The following FANCC variants were observed in gnomAD, a reference collection of about 807,000 sequenced individuals.
The protein encoded by FANCC is FA complementation group C.
FANCC carries 55 observed loss-of-function variants against 71.3 expected under a neutral mutation model. The observed-to-expected ratio is 0.77, with a 90% CI of 0.62 to 0.97. FANCC has a LOEUF of 0.97. Among genes scored for constraint, FANCC ranks in the 50% least tolerant of loss-of-function variants. FANCC has a pLI of 0.00. For missense variants in FANCC, 678 were observed against 670.9 expected (o/e 1.01, Z -0.12); for synonymous variants, 275 against 244.9 (o/e 1.12, Z -1.15).
chr9:95,123,293 G>C (rs982136403), intron 10 of FANCC: 1 of 294,206 alleles, frequency 3.4e-6, no homozygotes, highest in Non-Finnish European at 6.6e-6. Context: ...GGCAGAGTAA[G>C]AGCCTGTCTC....
chr9:95,160,385 A>G (rs1161070239), intron 6 of FANCC, among the ~76,000 whole-genome samples: 1 of 152,030 alleles, frequency 6.6e-6, no homozygotes, highest in Non-Finnish European at 1.5e-5. Flanking sequence ...CCATTGGTCT[A>G]TATCTCTGTT....
At chr9:95,229,274 A>G (rs1829831013) in intron 4 of FANCC, among the ~76,000 whole-genome samples, 1 of 144,834 alleles carries the variant, frequency 6.9e-6, no homozygotes, top group Admixed American at 7.2e-5. Flanking sequence ...CTTCAGCCTG[A>G]GCGACAGGGT....
intron 10 of FANCC, among the ~76,000 whole-genome samples, chr9:95,119,360 CTTTTCT>C (rs1443991029): frequency 5.0e-5 from 5 of 100,564 alleles, no homozygotes; most frequent in East Asian, 6.6e-4. Context: ...TTCTTTCTTC[CTTTTCT>C]TTTTTTTTTT....
At chr9:95,264,886 G>A (rs1832294638) in intron 1 of FANCC, among the ~76,000 whole-genome samples, 1 of 152,022 alleles carries the variant, frequency 6.6e-6, no homozygotes, top group Non-Finnish European at 1.5e-5. Flanking sequence ...CTTCCTTGAT[G>A]AAAGCCTGAT....
At chr9:95,136,062 A>G (rs924037873) in intron 7 of FANCC, among the ~76,000 whole-genome samples, 2 of 152,168 alleles carry the variant, frequency 1.3e-5, no homozygotes, top group Non-Finnish European at 2.9e-5. Flanking sequence ...CCAATAACTA[A>G]TTATAATCGG....
intron 4 of FANCC, 41 bp from the exon 5 acceptor site, chr9:95,172,188 A>C (rs773074619): frequency 7.6e-7 from 1 of 1,310,920 alleles, no homozygotes; most frequent in Non-Finnish European, 1.1e-6. Flanking sequence ...CTTTAAAAGT[A>C]AATGCAAGTG....
intron 4 of FANCC, among the ~76,000 whole-genome samples, chr9:95,206,011 T>C (rs1828100747): frequency 6.6e-6 from 1 of 152,214 alleles, no homozygotes; most frequent in Admixed American, 6.5e-5. Flanking sequence ...CTACCGGTCA[T>C]TTTCAGCTTT....
At chr9:95,228,943 T>C (rs1038585503) in intron 4 of FANCC, among the ~76,000 whole-genome samples, 1 of 151,988 alleles carries the variant, frequency 6.6e-6, no homozygotes, top group Non-Finnish European at 1.5e-5. Context: ...AGCATGGACT[T>C]TGCATTTCAC....
intron 1 of FANCC, among the ~76,000 whole-genome samples, chr9:95,280,715 G>A (rs1833335238): frequency 6.6e-6 from 1 of 152,174 alleles, no homozygotes; most frequent in African/African-American, 2.4e-5. Context: ...TAAGCTGCCA[G>A]TAACTGATCC....
At chr9:95,305,857 T>C (rs925738807) in intron 1 of FANCC, among the ~76,000 whole-genome samples, 1 of 152,206 alleles carries the variant, frequency 6.6e-6, no homozygotes, top group African/African-American at 2.4e-5. Flanking sequence ...TTAATATTAA[T>C]GACAATCCCA....
intron 3 of FANCC, among the ~76,000 whole-genome samples, chr9:95,241,584 T>C (rs1193407705): frequency 2.0e-5 from 3 of 152,202 alleles, no homozygotes; most frequent in African/African-American, 2.4e-5. Context: ...TACAAGGCCA[T>C]GGAGGTGAGG....
intron 1 of FANCC, among the ~76,000 whole-genome samples, chr9:95,291,967 A>ATATATATATATATATAT (rs1554869938): frequency 2.0e-5 from 1 of 50,412 alleles, no homozygotes; most frequent in Admixed American, 3.4e-4. Context: ...AAAAAAAAAA[A>ATATATATATATATATAT]ATATATATAT....
At chr9:95,132,368 C>G (rs117189586) in intron 8 of FANCC, among the ~76,000 whole-genome samples, 1 of 152,202 alleles carries the variant, frequency 6.6e-6, no homozygotes, top group East Asian at 1.9e-4. Context: ...CTTGGGAAAC[C>G]GAACAATGCC....
intron 1 of FANCC, among the ~76,000 whole-genome samples, chr9:95,249,672 T>C (rs957745661): frequency 6.6e-6 from 1 of 152,232 alleles, no homozygotes; most frequent in African/African-American, 2.4e-5. Flanking sequence ...ATTGAGCTAT[T>C]TTTAAATGTT....
intron 4 of FANCC, among the ~76,000 whole-genome samples, chr9:95,222,577 G>A (rs1223111884): frequency 2.6e-5 from 4 of 152,044 alleles, no homozygotes; most frequent in Admixed American, 2.0e-4. Context: ...GTTATAAAGA[G>A]GTATACATGT....
intron 6 of FANCC, among the ~76,000 whole-genome samples, chr9:95,165,487 T>G (rs527776144): frequency 1.3e-5 from 2 of 152,040 alleles, no homozygotes; most frequent in Non-Finnish European, 2.9e-5. Context: ...ATATGTTGGG[T>G]TTTCATTTTC....
chr9:95,126,705 G>A (rs1050336255), intron 8 of FANCC, 124 bp from the exon 9 acceptor site: 7 of 976,454 alleles, frequency 7.2e-6, no homozygotes, highest in Non-Finnish European at 9.6e-6. Flanking sequence ...ACTCCTTTTG[G>A]TTAGAAGAAC....
chr9:95,246,169 A>G (rs1169019101), intron 3 of FANCC, among the ~76,000 whole-genome samples: 1 of 152,176 alleles, frequency 6.6e-6, no homozygotes, highest in Non-Finnish European at 1.5e-5. Context: ...GGGCAAACAC[A>G]TTGCTGCCTC....
intron 6 of FANCC, among the ~76,000 whole-genome samples, chr9:95,155,279 GGGGAAGGAAGGGGAC>G (rs1168397007): frequency 2.1e-4 from 15 of 71,378 alleles, no homozygotes; most frequent in Non-Finnish European, 2.8e-4. Flanking sequence ...GGAAAGGGGA[GGGGAAGGAAGGGGAC>G]GGAAGGGGAG....
Sources: gnomAD v4.1 joint callset for allele counts (sites outside exome capture counted in the v4.1 genomes callset) on GRCh38, gnomAD v4.1.1 for gene constraint, MANE v1.5 for transcripts, NCBI Gene and HGNC (gene_info 2026-07-23, HGNC 2026-07-21) for gene names.